Variants in PCDHGB5 observed in about 807,000 individuals in gnomAD.
PCDHGB5 encodes the protein protocadherin gamma subfamily B, 5.
A neutral mutation model predicts 62.9 loss-of-function variants in PCDHGB5; 48 were observed. The ratio of observed to expected loss-of-function variants is 0.76; its 90% CI spans 0.61 to 0.97. The LOEUF is 0.97. Ranked by LOEUF, PCDHGB5 falls within the 50% of genes least tolerant of loss-of-function variation. PCDHGB5 has a pLI of 0.00. For missense variants in PCDHGB5, 1,118 were observed against 1,198.6 expected (o/e 0.93, Z 0.99); for synonymous variants, 474 against 511.2 (o/e 0.93, Z 0.98).
Position 141,477,991 on chromosome 5 carries a change from T to C in PCDHGB5, c.2398-16816T>C, listed in dbSNP as rs774877878. On this transcript the variant is annotated intron_variant, in intron 1 of 3. Transcript: ENST00000617380. The surrounding 1 kb of genome is among the most constrained non-coding windows in gnomAD (Gnocchi z 4.9). The stretch of plus-strand genomic sequence containing the variant: ...GCCTTTTTGCCATAGGGCTGCACAC[T>C]GGTCAAATCAGTACTGCCCGTCCAG... 2 of 1,614,134 alleles carry C rather than the reference T, an allele frequency of 1.2e-6. No individual in the cohort carries two copies. Among genetic ancestry groups the C allele is most frequent in the South Asian group, 2.2e-5 (2 of 91,082 alleles).
rs748828282 is a variant in PCDHGB5 at position 141,491,412 on chromosome 5, C to T, written c.2398-3395C>T. The T allele has an allele frequency of 3.1e-6, 5 of 1,613,944 alleles. No homozygotes were observed. The African/African-American group carries it at 5.3e-5, about 17-fold the overall frequency. Reference sequence around the variant, plus strand: ...GCCTTCAGGGAAACGCAGACGGGGACGGGGGTGGAGGGCAGTGCTGCAGGC... The same window carrying T: ...GCCTTCAGGGAAACGCAGACGGGGATGGGGGTGGAGGGCAGTGCTGCAGGC... On this transcript the variant is annotated intron_variant, in intron 1 of 3. Coordinates refer to ENST00000617380, the MANE Select transcript of PCDHGB5 (RefSeq NM_018925.3). The surrounding 1 kb of genome is among the most constrained non-coding windows in gnomAD (Gnocchi z 6.9).
intron 1 of PCDHGB5, among the ~76,000 whole-genome samples, chr5:141,451,395 A>G (rs2098715118): frequency 6.6e-6 from 1 of 152,184 alleles, no homozygotes; most frequent in Admixed American, 6.6e-5. Context: ...AGTTAATGGC[A>G]AAATTAAGTT....
intron 1 of PCDHGB5, chr5:141,413,330 T>G (rs770842309): frequency 6.2e-7 from 1 of 1,613,812 alleles, no homozygotes; most frequent in Non-Finnish European, 8.5e-7. Context: ...GTGGGCAACA[T>G]CTCCAAGGAC....
chr5:141,414,184 G>C (rs1228749194), intron 1 of PCDHGB5: 3 of 1,609,416 alleles, frequency 1.9e-6, no homozygotes, highest in Non-Finnish European at 2.5e-6. Flanking sequence ...AACTGCAAAA[G>C]TGTTGATTAC....
In PCDHGB5 at chr5:141,450,826, A is replaced by AT. The variant is rs764729742; in HGVS notation, c.2398-43979dup. On this transcript the variant is annotated intron_variant, in intron 1 of 3. Coordinates refer to ENST00000617380, the MANE Select transcript of PCDHGB5 (RefSeq NM_018925.3). ...TATTTATTTATTTAATATTATTATT[A>AT]TTATTTTTTTTTTTTTGAGATGGGG... Among the ~76,000 whole-genome samples, 613 of 134,334 alleles carry AT rather than the reference A, an allele frequency of 4.6e-3. 5 individuals are homozygous for AT. Among genetic ancestry groups the AT allele is most frequent in the African/African-American group, 9.0e-3 (309 of 34,288 alleles). 88.1% of individuals were successfully genotyped at this position (134,334 alleles called of 152,430 possible).
intron 1 of PCDHGB5, chr5:141,424,468 C>A (rs1301878037): frequency 1.3e-5 from 2 of 152,072 alleles, no homozygotes; most frequent in South Asian, 2.1e-4. Context: ...TCCTTTTATT[C>A]TTTTACTTTG....
At chr5:141,465,867 A>G (rs1049493106) in intron 1 of PCDHGB5, among the ~76,000 whole-genome samples, 5 of 152,040 alleles carry the variant, frequency 3.3e-5, no homozygotes, top group African/African-American at 9.7e-5. Context: ...TCATGCCTGT[A>G]ATCCCAGCAC....
chr5:141,470,323 A>C (rs1029928511), intron 1 of PCDHGB5, among the ~76,000 whole-genome samples: 1 of 152,188 alleles, frequency 6.6e-6, no homozygotes, highest in African/African-American at 2.4e-5. Flanking sequence ...AAATGATCCC[A>C]TAATTTGACC....
intron 1 of PCDHGB5, chr5:141,409,184 T>G: frequency 6.2e-7 from 1 of 1,614,044 alleles, no homozygotes; most frequent in East Asian, 2.2e-5. Context: ...AGGTGGTCTC[T>G]CTACCCAGTG....
rs770623588 is a variant in PCDHGB5, at chr5:141,410,424, C to A, written c.2397+9900C>A. ...GTCAAGTCTGGACCTGTAGTTCCCC[C>A]CAACTACAGTGAGGGGACTTTGCCT... is the stretch of plus-strand genomic sequence containing the variant. On this transcript the variant is annotated intron_variant, in intron 1 of 3. Transcript: ENST00000617380. The A allele has an allele frequency of 1.1e-5, 17 of 1,613,852 alleles. No homozygotes were observed. In the East Asian group the frequency reaches 3.6e-4, roughly 34 times the overall value.
At chr5:141,409,567 G>T (rs974585499) in intron 1 of PCDHGB5, 2 of 1,613,896 alleles carry the variant, frequency 1.2e-6, no homozygotes, top group Non-Finnish European at 1.7e-6. Context: ...TCGACCAGAC[G>T]TCCTACGTGG....
chr5:141,477,361 G>A lies in PCDHGB5; in HGVS notation c.2398-17446G>A. The A allele has an allele frequency of 6.2e-7, 1 of 1,614,172 alleles. No individual in the cohort carries two copies. The highest frequency in any genetic ancestry group is 8.5e-7 in the Non-Finnish European group (1 of 1,180,032). Reference sequence around the variant, plus strand: ...TCACTTTGAAAACCAGTGCAGACCTGGATCGGGAGACTGTGCCAGAATACA... The same window carrying A: ...TCACTTTGAAAACCAGTGCAGACCTAGATCGGGAGACTGTGCCAGAATACA... On this transcript the variant is annotated intron_variant, in intron 1 of 3. Coordinates refer to ENST00000617380, the MANE Select transcript of PCDHGB5 (RefSeq NM_018925.3). The surrounding 1 kb of genome is among the most constrained non-coding windows in gnomAD (Gnocchi z 4.9).
intron 1 of PCDHGB5, among the ~76,000 whole-genome samples, chr5:141,454,907 A>T (rs1304287479): frequency 1.4e-5 from 2 of 139,080 alleles, no homozygotes; most frequent in East Asian, 4.3e-4. Context: ...TCCCGGGTTC[A>T]CGCCATTCTC....
intron 1 of PCDHGB5, among the ~76,000 whole-genome samples, chr5:141,469,029 C>A (rs2099189188): frequency 6.6e-6 from 1 of 152,052 alleles, no homozygotes; most frequent in Non-Finnish European, 1.5e-5. Flanking sequence ...GTAATCCCAG[C>A]ACTTTGGGAG....
chr5:141,454,874 C>A (rs1002727777), intron 1 of PCDHGB5, among the ~76,000 whole-genome samples: 4 of 123,066 alleles, frequency 3.3e-5, no homozygotes, highest in African/African-American at 1.2e-4. Flanking sequence ...GTGGCACGAT[C>A]TTGGCTCACT....
chr5:141,414,526 G>T, intron 1 of PCDHGB5: 1 of 1,613,912 alleles, frequency 6.2e-7, no homozygotes, highest in Non-Finnish European at 8.5e-7. Flanking sequence ...AGATATCAAT[G>T]ACAACCCACC....
Position 141,490,583 on chromosome 5 carries a change from A to G in PCDHGB5, c.2398-4224A>G, listed in dbSNP as rs2099701693. ...ATCAGGCTCAACATTTCAGATGTCAATGACAATGCACCCCGCTTCAACCAG... is the reference window on the plus strand; with the variant it reads ...ATCAGGCTCAACATTTCAGATGTCAGTGACAATGCACCCCGCTTCAACCAG... On this transcript the variant is annotated intron_variant, in intron 1 of 3. Coordinates refer to ENST00000617380, the MANE Select transcript of PCDHGB5 (RefSeq NM_018925.3). This position sits in a 1 kb window ranked among gnomAD's most constrained non-coding sequence, Gnocchi z 5.4. 2.5e-6 allele frequency: 4 copies of G among 1,614,138 alleles called. No homozygotes were observed. Among genetic ancestry groups the G allele is most frequent in the African/African-American group, 1.3e-5 (1 of 75,032 alleles).
At chr5:141,419,151 C>A in intron 1 of PCDHGB5, 1 of 1,613,918 alleles carries the variant, frequency 6.2e-7, no homozygotes. Context: ...GGCAAGCCTC[C>A]GTTATCCTCC....
chr5:141,449,425 G>T (rs1206395356), intron 1 of PCDHGB5, among the ~76,000 whole-genome samples: 2 of 151,688 alleles, frequency 1.3e-5, no homozygotes, highest in Non-Finnish European at 2.9e-5. Context: ...TGGCCAACAT[G>T]ATAAAACTCC....
Sources: gnomAD v4.1 joint callset for allele counts (sites outside exome capture counted in the v4.1 genomes callset) on GRCh38, gnomAD v4.1.1 for gene constraint, Gnocchi (gnomAD v3.1) non-coding constraint, MANE v1.5 for transcripts, NCBI Gene and HGNC (gene_info 2026-07-23, HGNC 2026-07-21) for gene names.